Variants in DCC observed in about 807,000 individuals in gnomAD.
The protein encoded by DCC is DCC netrin 1 receptor, also known as netrin receptor DCC.
Under a neutral mutation model 172.5 loss-of-function variants are expected in DCC, and 58 were observed. That is an observed-to-expected ratio of 0.34 (90% CI 0.27 to 0.42). DCC has a LOEUF of 0.42. Among genes scored for constraint, DCC ranks in the 10% least tolerant of loss-of-function variants. The pLI, the probability that DCC is intolerant of heterozygous loss-of-function variation, is 1.00. For synonymous variants in DCC, 709 were observed against 644.5 expected (o/e 1.10, Z -1.52); for missense variants, 1,740 against 1,791.0 (o/e 0.97, Z 0.51).
chr18:52,407,225 G>A (rs1986684357), intron 1 of DCC, among the ~76,000 whole-genome samples: 1 of 152,070 alleles, frequency 6.6e-6, no homozygotes, highest in Admixed American at 6.6e-5. Flanking sequence ...CCTACAGTCA[G>A]TGATGCTTAT....
intron 12 of DCC, among the ~76,000 whole-genome samples, chr18:53,269,517 G>C (rs572276614): frequency 1.3e-5 from 2 of 152,130 alleles, no homozygotes; most frequent in African/African-American, 4.8e-5. Flanking sequence ...TGCATGCAAA[G>C]AATAGGAAAA....
At chr18:53,374,100 G>A (rs1163743666) in intron 15 of DCC, among the ~76,000 whole-genome samples, 1 of 152,126 alleles carries the variant, frequency 6.6e-6, no homozygotes, top group African/African-American at 2.4e-5. Context: ...TTTTATGTAG[G>A]TGTGCTGTCC....
intron 13 of DCC, among the ~76,000 whole-genome samples, chr18:53,319,857 A>G (rs944206661): frequency 1.1e-5 from 1 of 94,968 alleles, no homozygotes; most frequent in African/African-American, 4.3e-5. Flanking sequence ...AAAGTCAACT[A>G]CATATGGACT....
intron 16 of DCC, among the ~76,000 whole-genome samples, 155 bp downstream of exon 16, chr18:53,386,293 G>T (rs1384603729): frequency 1.3e-5 from 2 of 152,178 alleles, no homozygotes; most frequent in African/African-American, 4.8e-5. Context: ...AGTCTGATAA[G>T]TACATATGTA....
At chr18:53,034,065 G>T (rs1295090647) in intron 5 of DCC, among the ~76,000 whole-genome samples, 1 of 151,898 alleles carries the variant, frequency 6.6e-6, no homozygotes, top group Non-Finnish European at 1.5e-5. Context: ...CCACCTCTTA[G>T]TTCTCACTTC....
intron 1 of DCC, among the ~76,000 whole-genome samples, chr18:52,418,773 G>A (rs1336971059): frequency 1.3e-5 from 2 of 151,818 alleles, no homozygotes; most frequent in Non-Finnish European, 1.5e-5. Flanking sequence ...CTAGGATGAC[G>A]ACAATGTTGT....
intron 2 of DCC, among the ~76,000 whole-genome samples, chr18:52,773,443 G>A (rs986582857): frequency 3.9e-5 from 6 of 152,054 alleles, no homozygotes; most frequent in African/African-American, 7.3e-5. Context: ...AATACTGTGG[G>A]CATTGATATA....
intron 16 of DCC, 27 bp downstream of exon 16, chr18:53,386,165 G>A (rs1420723117): frequency 7.1e-7 from 1 of 1,399,986 alleles, no homozygotes; most frequent in Middle Eastern, 1.8e-4. Context: ...ATCTTCCTCT[G>A]ACAAAGTATA....
At chr18:52,649,217 C>CA (rs1449420179) in intron 1 of DCC, among the ~76,000 whole-genome samples, 1 of 151,734 alleles carries the variant, frequency 6.6e-6, no homozygotes, top group Non-Finnish European at 1.5e-5. Flanking sequence ...ACTAAAAATA[C>CA]AAAAAATTAG....
chr18:53,130,963 G>C (rs2043642687), intron 7 of DCC, among the ~76,000 whole-genome samples: 1 of 152,114 alleles, frequency 6.6e-6, no homozygotes, highest in African/African-American at 2.4e-5. Flanking sequence ...GATCGAATTA[G>C]AGAAAAACTG....
chr18:52,983,257 G>A (rs547050967), intron 5 of DCC, among the ~76,000 whole-genome samples: 1 of 152,258 alleles, frequency 6.6e-6, no homozygotes, highest in East Asian at 1.9e-4. Flanking sequence ...ACCAGGAAAA[G>A]GGGCAAAGAC....
At chr18:52,500,299 T>C (rs553114595) in intron 1 of DCC, among the ~76,000 whole-genome samples, 39 of 152,242 alleles carry the variant, frequency 2.6e-4, no homozygotes, top group Non-Finnish European at 4.7e-4. Context: ...AAAGGATTCA[T>C]GAATGGCAAA....
intron 1 of DCC, among the ~76,000 whole-genome samples, chr18:52,515,042 G>C (rs73450730): frequency 1.2e-3 from 186 of 152,272 alleles, no homozygotes; most frequent in African/African-American, 4.4e-3. Flanking sequence ...CTCTCATGGA[G>C]TTATCTGCAA....
At chr18:52,626,435 C>T (rs372323397) in intron 1 of DCC, among the ~76,000 whole-genome samples, 1 of 152,074 alleles carries the variant, frequency 6.6e-6, no homozygotes, top group East Asian at 1.9e-4. Flanking sequence ...ATAGCCTTGC[C>T]AATTAGTCTC....
intron 2 of DCC, among the ~76,000 whole-genome samples, chr18:52,788,126 T>G (rs968583294): frequency 2.0e-5 from 3 of 152,216 alleles, no homozygotes; most frequent in African/African-American, 7.2e-5. Context: ...GCAAGATTAA[T>G]TTTTACAATC....
intron 2 of DCC, among the ~76,000 whole-genome samples, chr18:52,772,254 C>T (rs17469158): frequency 0.099 from 15,090 of 152,172 alleles, 954 homozygotes; most frequent in Middle Eastern, 0.22. Flanking sequence ...TCTTTTAAGA[C>T]TAGACCATTG....
chr18:53,131,447 C>T (rs918134931), intron 7 of DCC, among the ~76,000 whole-genome samples: 5 of 151,994 alleles, frequency 3.3e-5, no homozygotes, highest in African/African-American at 1.2e-4. Context: ...ATAAATTAAG[C>T]ATATTGGAAA....
In DCC at chr18:52,582,606, C is replaced by G. The variant is rs138463285; in HGVS notation, c.92-169448C>G. On this transcript the variant is annotated intron_variant, in intron 1 of 28. Transcript: ENST00000442544. ...AGGGCTTGTGCTTGGAATAGTGCCT[C>G]TTTACATTTTTACTTTCTTATTCTC... is the stretch of plus-strand genomic sequence containing the variant. 2.2e-3 allele frequency among the ~76,000 whole-genome samples: 337 copies of G among 152,284 alleles called. 2 individuals are homozygous for G. Among genetic ancestry groups the G allele is most frequent in the Non-Finnish European group, 1.5e-3 (102 of 68,004 alleles).
chr18:53,286,576 T>A (rs1389678778), intron 12 of DCC, among the ~76,000 whole-genome samples: 1 of 152,230 alleles, frequency 6.6e-6, no homozygotes, highest in Non-Finnish European at 1.5e-5. Flanking sequence ...TGCATTAGCC[T>A]CTAATTGTGC....
Sources: gnomAD v4.1 joint callset for allele counts (sites outside exome capture counted in the v4.1 genomes callset) on GRCh38, gnomAD v4.1.1 for gene constraint, MANE v1.5 for transcripts, NCBI Gene and HGNC (gene_info 2026-07-23, HGNC 2026-07-21) for gene names.